Variants in SLC12A6 observed in about 807,000 individuals in gnomAD.
SLC12A6 encodes K-Cl cotransporter 3.
SLC12A6 carries 66 observed loss-of-function variants against 135.3 expected under a neutral mutation model. The observed-to-expected ratio is 0.49, with a 90% CI of 0.40 to 0.60. The LOEUF (loss-of-function observed/expected upper bound fraction) is 0.60. SLC12A6 is among the 20% of genes least tolerant of loss of function. The pLI is 0.00. For missense variants in SLC12A6, 1,058 were observed against 1,452.3 expected (o/e 0.73, Z 4.41); for synonymous variants, 513 against 508.8 (o/e 1.01, Z -0.11).
chr15:34,272,611 G>A (rs938516629), intron 3 of SLC12A6, among the ~76,000 whole-genome samples: 3 of 152,198 alleles, frequency 2.0e-5, no homozygotes, highest in African/African-American at 7.2e-5. Context: ...ACTGTAGGCT[G>A]CCAAATGAGA....
chr15:34,314,945 AG>A (rs1214951234), intron 2 of SLC12A6: 1 of 152,246 alleles, frequency 6.6e-6, no homozygotes, highest in Non-Finnish European at 1.5e-5. Context: ...TGGTGGAAAT[AG>A]CAAGAGTACG....
At chr15:34,243,396 A>G (rs1037338028) in intron 16 of SLC12A6, among the ~76,000 whole-genome samples, 9 of 152,178 alleles carry the variant, frequency 5.9e-5, no homozygotes, top group Admixed American at 1.3e-4. Context: ...GCTCTGAGCT[A>G]TAAGAGGAAA....
intron 2 of SLC12A6, among the ~76,000 whole-genome samples, chr15:34,321,055 T>C (rs935498114): frequency 3.3e-5 from 5 of 152,344 alleles, no homozygotes; most frequent in Admixed American, 3.3e-4. Flanking sequence ...CACGATCTCA[T>C]TTAATCAACA....
At chr15:34,268,030 C>G (rs1007800743) in intron 3 of SLC12A6, among the ~76,000 whole-genome samples, 168 of 152,256 alleles carry the variant, frequency 1.1e-3, no homozygotes, top group African/African-American at 3.9e-3. Flanking sequence ...CTGATTTAAA[C>G]ATTTAATAGA....
chr15:34,251,431 T>C (rs547350307), intron 10 of SLC12A6, among the ~76,000 whole-genome samples: 1 of 152,212 alleles, frequency 6.6e-6, no homozygotes, highest in Admixed American at 6.5e-5. Context: ...ATATTTTTAG[T>C]AGAGACGAGG....
intron 2 of SLC12A6, among the ~76,000 whole-genome samples, chr15:34,327,061 T>A (rs1181739329): frequency 6.6e-6 from 1 of 152,092 alleles, no homozygotes; most frequent in Non-Finnish European, 1.5e-5. Flanking sequence ...ATTATTTGTA[T>A]GACCTTGGGC....
intron 2 of SLC12A6, among the ~76,000 whole-genome samples, chr15:34,276,995 C>G (rs1894339783): frequency 6.6e-6 from 1 of 151,472 alleles, no homozygotes; most frequent in South Asian, 2.1e-4. Flanking sequence ...GAACATTTAA[C>G]AATTTATTTT....
chr15:34,303,774 T>C (rs1896417788), intron 2 of SLC12A6, among the ~76,000 whole-genome samples: 1 of 152,176 alleles, frequency 6.6e-6, no homozygotes, highest in South Asian at 2.1e-4. Flanking sequence ...CTCTCTGCCC[T>C]CTGCCATGGG....
intron 2 of SLC12A6, among the ~76,000 whole-genome samples, chr15:34,304,823 A>C (rs189542361): frequency 6.6e-6 from 1 of 152,234 alleles, no homozygotes; most frequent in Admixed American, 6.5e-5. Flanking sequence ...TAGCATTTAC[A>C]TAATACATTC....
chr15:34,315,723 C>T (rs946426698), intron 2 of SLC12A6, among the ~76,000 whole-genome samples: 2 of 152,082 alleles, frequency 1.3e-5, no homozygotes, highest in African/African-American at 2.4e-5. Flanking sequence ...CAGTGGCTTA[C>T]GCCTGTAATC....
Position 34,275,332 on chromosome 15 carries a change from A to G in SLC12A6, c.316+13T>C. The G allele has an allele frequency of 7.2e-7, 1 of 1,387,738 alleles. No homozygotes were observed. The highest frequency in any genetic ancestry group is 1.0e-6 in the Non-Finnish European group (1 of 974,234). 86.0% of individuals were successfully genotyped at this position (1,387,738 alleles called of 1,614,324 possible). On this transcript the variant is annotated intron_variant, in intron 3 of 25. Transcript: ENST00000354181. ...GACTTTGGATAAAGTCAATCCCCAC[A>G]GTAATACTATACCTAACAGTTGGCT... is the stretch of plus-strand genomic sequence containing the variant.
At chr15:34,311,529 T>C (rs347859) in intron 2 of SLC12A6, among the ~76,000 whole-genome samples, 8,905 of 152,208 alleles carry the variant, frequency 0.059, 843 homozygotes, top group African/African-American at 0.2. Flanking sequence ...TAAAGTAATC[T>C]CTTCTTATTA....
intron 3 of SLC12A6, among the ~76,000 whole-genome samples, chr15:34,265,620 G>A (rs1429336423): frequency 1.3e-5 from 2 of 152,104 alleles, no homozygotes; most frequent in Admixed American, 1.3e-4. Flanking sequence ...AATTTCTGTG[G>A]TATAAATACT....
intron 2 of SLC12A6, among the ~76,000 whole-genome samples, chr15:34,322,850 C>T (rs1368145395): frequency 2.0e-5 from 3 of 151,418 alleles, no homozygotes; most frequent in South Asian, 2.1e-4. Context: ...TGATGGTGAG[C>T]GCCTGTAACC....
chr15:34,323,439 C>T (rs1162185991), intron 2 of SLC12A6, among the ~76,000 whole-genome samples: 4 of 152,164 alleles, frequency 2.6e-5, no homozygotes, highest in East Asian at 1.9e-4. Flanking sequence ...GTCGGATCAG[C>T]GGCAGCATTA....
intron 9 of SLC12A6, 142 bp downstream of exon 9, chr15:34,254,206 G>A (rs1892586574): frequency 1.2e-6 from 1 of 847,732 alleles, no homozygotes; most frequent in Non-Finnish European, 2.0e-6. Context: ...CTGCCTAGAT[G>A]AGGAAGGAAG....
chr15:34,275,154 A>T (rs1894210485), intron 3 of SLC12A6, among the ~76,000 whole-genome samples, 191 bp downstream of exon 3: 1 of 152,200 alleles, frequency 6.6e-6, no homozygotes, highest in African/African-American at 2.4e-5. Context: ...ACTGAGTCTT[A>T]GTAATCAATT....
chr15:34,292,211 C>T (rs1052494209), intron 2 of SLC12A6, among the ~76,000 whole-genome samples: 2 of 152,160 alleles, frequency 1.3e-5, no homozygotes, highest in African/African-American at 2.4e-5. Flanking sequence ...CTATTCCTTT[C>T]TGTTTGCTAG....
intron 2 of SLC12A6, among the ~76,000 whole-genome samples, chr15:34,309,545 G>C (rs1207967796): frequency 2.6e-5 from 4 of 152,138 alleles, no homozygotes; most frequent in African/African-American, 9.7e-5. Flanking sequence ...AAAAGCCGAT[G>C]ATAACAGTGC....
Sources: gnomAD v4.1 joint callset for allele counts (sites outside exome capture counted in the v4.1 genomes callset) on GRCh38, gnomAD v4.1.1 for gene constraint, MANE v1.5 for transcripts, NCBI Gene and HGNC (gene_info 2026-07-23, HGNC 2026-07-21) for gene names.